MTHFD1L: variants seen among roughly 807,000 people sequenced by gnomAD.
MTHFD1L encodes the protein methylenetetrahydrofolate dehydrogenase (NADP+ dependent) 1 like.
In MTHFD1L, 81 loss-of-function variants were observed where a neutral mutation model predicts 119.5. The observed-to-expected ratio is 0.68, with a 90% CI of 0.57 to 0.82. MTHFD1L has a LOEUF of 0.82. MTHFD1L is among the 40% of genes least tolerant of loss of function. The pLI is 0.00. For missense variants in MTHFD1L, 1,125 were observed against 1,253.4 expected (o/e 0.90, Z 1.55); for synonymous variants, 430 against 475.2 (o/e 0.90, Z 1.24).
At chr6:150,912,404 C>T (rs992710669) in intron 8 of MTHFD1L, among the ~76,000 whole-genome samples, 1 of 151,242 alleles carries the variant, frequency 6.6e-6, no homozygotes, top group Non-Finnish European at 1.5e-5. Flanking sequence ...TCCTAGATGG[C>T]GAGAAAATAT....
intron 6 of MTHFD1L, 65 bp downstream of exon 6, chr6:150,885,799 G>T: frequency 7.8e-7 from 1 of 1,281,240 alleles, no homozygotes; most frequent in Non-Finnish European, 1.1e-6. Flanking sequence ...TTTTTAATAA[G>T]GATTTGTTTG....
intron 1 of MTHFD1L, chr6:150,866,539 G>A: frequency 7.9e-7 from 1 of 1,272,252 alleles, no homozygotes; most frequent in African/African-American, 1.6e-5. Flanking sequence ...CGCCGCCCGC[G>A]CGAAGCTCCC....
intron 20 of MTHFD1L, among the ~76,000 whole-genome samples, chr6:150,981,350 A>G (rs962944480): frequency 3.9e-5 from 6 of 152,238 alleles, no homozygotes; most frequent in African/African-American, 1.4e-4. Context: ...TCACATGAGT[A>G]GTATTTGCAG....
intron 20 of MTHFD1L, among the ~76,000 whole-genome samples, chr6:150,999,372 G>T (rs1039036124): frequency 2.0e-5 from 3 of 152,142 alleles, no homozygotes; most frequent in Non-Finnish European, 4.4e-5. Context: ...CTGGTGTCCA[G>T]TTCTCAGGAG....
chr6:150,905,576 A>T, intron 7 of MTHFD1L, 74 bp from the exon 8 acceptor site: 1 of 1,073,134 alleles, frequency 9.3e-7, no homozygotes, highest in Middle Eastern at 2.0e-4. Context: ...TGTAGAACTC[A>T]TTTGACATCA....
At position 150,925,945 on chromosome 6, in the gene MTHFD1L, A is replaced by C. The variant is rs574176357; in HGVS notation, c.1083-177A>C. Among the ~76,000 whole-genome samples, 12 of 152,268 alleles carry C rather than the reference A, an allele frequency of 7.9e-5. No individual in the cohort carries two copies. In the South Asian group the frequency reaches 2.3e-3, roughly 29 times the overall value. ...TGGAGTTGCATTTCTAAAATGATAC[A>C]CCATTTTCTCATACACGTTAATTAT... is the stretch of plus-strand genomic sequence containing the variant. On this transcript the variant is annotated intron_variant, in intron 10 of 27. Transcript: ENST00000367321.
At chr6:151,016,341 T>G (rs958720019) in intron 24 of MTHFD1L, among the ~76,000 whole-genome samples, 4 of 152,030 alleles carry the variant, frequency 2.6e-5, no homozygotes, top group Non-Finnish European at 5.9e-5. Flanking sequence ...TCTCTTTTTT[T>G]TTTTTGAGAC....
rs538968815 is a variant in MTHFD1L at position 151,098,017 on chromosome 6, T to C, written c.*32-3509T>C. On this transcript the variant is annotated intron_variant, in intron 27 of 27. Coordinates refer to ENST00000367321, the MANE Select transcript of MTHFD1L (RefSeq NM_015440.5). ...GGCAAAACCCTGTCCCTACTAAAAA[T>C]AGAAAAATTAGCCAGGCGTCATGGC... Among the ~76,000 whole-genome samples the C allele has an allele frequency of 4.0e-5, 6 of 151,868 alleles. No homozygotes were observed. In the East Asian group the frequency reaches 1.2e-3, roughly 30 times the overall value.
rs532784403 is a variant in MTHFD1L at position 151,094,156 on chromosome 6, G to A, written c.*31+1569G>A. 2.1e-3 allele frequency among the ~76,000 whole-genome samples: 319 copies of A among 152,188 alleles called. 3 individuals are homozygous for A. The highest frequency in any genetic ancestry group is 6.0e-3 in the South Asian group (29 of 4,808). ...TATTCTAAAGACACATTCTTTCCCC[G>A]CAAGCACCCCGCCTCCTTCTCCCCA... On this transcript the variant is annotated intron_variant, in intron 27 of 27. Coordinates refer to ENST00000367321, the MANE Select transcript of MTHFD1L (RefSeq NM_015440.5).
chr6:151,064,783 TTTTTTG>T (rs1366344244), intron 26 of MTHFD1L, among the ~76,000 whole-genome samples: 1 of 112,764 alleles, frequency 8.9e-6, no homozygotes, highest in Non-Finnish European at 2.2e-5. Flanking sequence ...TTACTATTCT[TTTTTTG>T]TTTTTTTTTT....
chr6:150,953,018 C>T (rs1156477940), intron 16 of MTHFD1L, among the ~76,000 whole-genome samples: 1 of 152,164 alleles, frequency 6.6e-6, no homozygotes, highest in Non-Finnish European at 1.5e-5. Context: ...GCCCCGGGGC[C>T]TCACAGGCTT....
At chr6:151,095,314 T>C (rs370775439) in intron 27 of MTHFD1L, among the ~76,000 whole-genome samples, 7 of 152,308 alleles carry the variant, frequency 4.6e-5, no homozygotes, top group African/African-American at 1.7e-4. Context: ...TAATTGCTAT[T>C]TCCCCAATTG....
intron 7 of MTHFD1L, among the ~76,000 whole-genome samples, chr6:150,893,308 A>T (rs1270938204): frequency 2.0e-5 from 3 of 152,044 alleles, no homozygotes; most frequent in African/African-American, 7.2e-5. Context: ...CAAGTGATCC[A>T]CCCACATGGC....
intron 1 of MTHFD1L, among the ~76,000 whole-genome samples, chr6:150,869,573 T>G (rs1026126911): frequency 6.6e-6 from 1 of 152,156 alleles, no homozygotes; most frequent in Non-Finnish European, 1.5e-5. Context: ...GCCAGGCTGG[T>G]CTCAAACTCC....
At chr6:151,045,310 A>G (rs1787825205) in intron 26 of MTHFD1L, among the ~76,000 whole-genome samples, 1 of 152,070 alleles carries the variant, frequency 6.6e-6, no homozygotes, top group African/African-American at 2.4e-5. Flanking sequence ...GCTCCCCATG[A>G]TGTGAGAGCG....
At chr6:151,016,512 G>A (rs570447338) in intron 24 of MTHFD1L, among the ~76,000 whole-genome samples, 12 of 150,700 alleles carry the variant, frequency 8.0e-5, no homozygotes, top group Admixed American at 4.0e-4. Flanking sequence ...TAGTAGAGAC[G>A]GGGTTTCACC....
At chr6:150,937,979 T>C (rs191957122) in intron 12 of MTHFD1L, among the ~76,000 whole-genome samples, 2 of 152,328 alleles carry the variant, frequency 1.3e-5, no homozygotes, top group Admixed American at 6.5e-5. Flanking sequence ...GTTTATAATT[T>C]ACTCATTTGA....
At chr6:151,068,534 C>T (rs574618365) in intron 26 of MTHFD1L, among the ~76,000 whole-genome samples, 82 of 152,296 alleles carry the variant, frequency 5.4e-4, no homozygotes, top group African/African-American at 1.8e-3. Flanking sequence ...CTTTCCAGCC[C>T]ACTCTCTGAC....
At position 151,076,767 on chromosome 6, in the gene MTHFD1L, T is replaced by C. The variant is rs533008430; in HGVS notation, c.2848-15700T>C. On this transcript the variant is annotated intron_variant, in intron 26 of 27. Transcript: ENST00000367321. The stretch of plus-strand genomic sequence containing the variant: ...CAGTACCACCCCCTTGGAAATCAAT[T>C]TGGGGTCGTTTCTTAAAAAGTTAAA... Among the ~76,000 whole-genome samples the C allele has an allele frequency of 1.8e-3, 271 of 152,214 alleles. 1 individual carries two copies. Among genetic ancestry groups the C allele is most frequent in the African/African-American group, 5.4e-3 (224 of 41,530 alleles).
Sources: allele counts gnomAD v4.1 joint callset (sites outside exome capture counted in the v4.1 genomes callset), GRCh38; gene constraint gnomAD v4.1.1; transcripts MANE v1.5; gene names NCBI Gene and HGNC (gene_info 2026-07-23, HGNC 2026-07-21).